Variants in PCDHGA5 observed in about 807,000 individuals in gnomAD.
PCDHGA5 encodes protocadherin gamma-A5.
In PCDHGA5, 36 loss-of-function variants were observed where a neutral mutation model predicts 56.7. That is an observed-to-expected ratio of 0.64 (90% CI 0.49 to 0.84). The LOEUF (loss-of-function observed/expected upper bound fraction) is 0.84, where lower values mean the gene tolerates loss of function less well. Among genes scored for constraint, PCDHGA5 ranks in the 40% least tolerant of loss-of-function variants. PCDHGA5 has a pLI of 0.00. For synonymous variants in PCDHGA5, 563 were observed against 520.2 expected, an observed-to-expected ratio of 1.08 and a Z score of -1.12; for missense variants, 1,305 against 1,201.5, an observed-to-expected ratio of 1.09 and a Z score of -1.27.
chr5:141,492,846 A>G (rs1404624093), intron 1 of PCDHGA5, among the ~76,000 whole-genome samples: 1 of 152,184 alleles, frequency 6.6e-6, no homozygotes, highest in African/African-American at 2.4e-5. Flanking sequence ...AGGAAGTGAA[A>G]GCCTCGAGCG....
chr5:141,511,486 TC>T lies in PCDHGA5; in HGVS notation c.*315del. The T allele has an allele frequency of 2.2e-6, 1 of 449,906 alleles. No homozygotes were observed. 27.9% of individuals were successfully genotyped at this position (449,906 alleles called of 1,614,324 possible). A position where few individuals can be genotyped will look rare whatever the true frequency, so the allele number is the denominator to read the frequency against. On this transcript the variant is annotated 3_prime_UTR_variant, in exon 4 of 4. Transcript: ENST00000518069. ...CCCCGTTTAGTTACAGCTGAACTCC[TC>T]CATCTTCCAAATCAATCAGGCCCAT...
At chr5:141,430,680 C>G (rs990086941) in intron 1 of PCDHGA5, 8 of 1,343,124 alleles carry the variant, frequency 6.0e-6, no homozygotes, top group Non-Finnish European at 8.0e-6. Context: ...TCCCAACTGT[C>G]CCATTCTATG....
Position 141,485,943 on chromosome 5 carries a change from C to CG in PCDHGA5, c.2422-8861dup, listed in dbSNP as rs1562109052. ...ATTAGTGTGTTGGAGAGCGCACCAG[C>CG]GGGCATGGTGCTCATCCAGCTCAAT... On this transcript the variant is annotated intron_variant, in intron 1 of 3. Coordinates refer to ENST00000518069, the MANE Select transcript of PCDHGA5 (RefSeq NM_018918.3). The surrounding 1 kb of genome is among the most constrained non-coding windows in gnomAD (Gnocchi z 5.7). The CG allele has an allele frequency of 1.2e-6, 2 of 1,614,126 alleles. No individual in the cohort carries two copies. Among genetic ancestry groups the CG allele is most frequent in the Non-Finnish European group, 1.7e-6 (2 of 1,180,012 alleles).
chr5:141,437,355 A>C (rs2097877902), intron 1 of PCDHGA5, among the ~76,000 whole-genome samples: 1 of 152,238 alleles, frequency 6.6e-6, no homozygotes, highest in Non-Finnish European at 1.5e-5. Flanking sequence ...ATAGTACCTA[A>C]AATTGGAATG....
chr5:141,383,790 T>C, intron 1 of PCDHGA5: 1 of 1,614,006 alleles, frequency 6.2e-7, no homozygotes. Context: ...TGAACTCGCT[T>C]ACAGGAGAAA....
intron 1 of PCDHGA5, chr5:141,387,922 G>A (rs764365334): frequency 2.0e-6 from 3 of 1,478,496 alleles, no homozygotes; most frequent in African/African-American, 2.8e-5. Context: ...CGGGCTGAGA[G>A]GCTGCCAGTG....
chr5:141,385,284 A>C (rs1419920858), intron 1 of PCDHGA5: 5 of 1,613,356 alleles, frequency 3.1e-6, no homozygotes, highest in Non-Finnish European at 3.4e-6. Flanking sequence ...TAACATCCGT[A>C]GATTTTCAGG....
intron 1 of PCDHGA5, among the ~76,000 whole-genome samples, chr5:141,482,161 G>A (rs2099554171): frequency 6.6e-6 from 1 of 152,008 alleles, no homozygotes; most frequent in Non-Finnish European, 1.5e-5. Context: ...TCAAAGATAT[G>A]TAAGATTAAG....
chr5:141,453,559 C>T (rs2098769120), intron 1 of PCDHGA5, among the ~76,000 whole-genome samples: 1 of 152,126 alleles, frequency 6.6e-6, no homozygotes, highest in Non-Finnish European at 1.5e-5. Context: ...TGTAGATAAT[C>T]GATTTCATTA....
In PCDHGA5 at chr5:141,365,104, C is replaced by T. The variant is rs775966290; in HGVS notation, c.774C>T (p.Gly258=). ...SVSVPENIPV[G]TRLLMLTATD... ...GTGTTCCAGAGAACATACCTGTGGGCACTCGGCTGCTCATGCTAACCGCCA... is the reference window on the plus strand; with the variant it reads ...GTGTTCCAGAGAACATACCTGTGGGTACTCGGCTGCTCATGCTAACCGCCA... The change falls in exon 1 of 4, where the codon GGC becomes GGT. Residue 258 remains glycine (G), a synonymous_variant. Transcript: ENST00000518069. 1 of 1,613,874 alleles carries T rather than the reference C, an allele frequency of 6.2e-7. No homozygotes were observed. The highest frequency in any genetic ancestry group is 8.5e-7 in the Non-Finnish European group (1 of 1,179,868).
In PCDHGA5 at chr5:141,477,028, G is replaced by A. The variant is rs1015508317; in HGVS notation, c.2422-17779G>A. On this transcript the variant is annotated intron_variant, in intron 1 of 3. Coordinates refer to ENST00000518069, the MANE Select transcript of PCDHGA5 (RefSeq NM_018918.3). The surrounding 1 kb of genome is among the most constrained non-coding windows in gnomAD (Gnocchi z 4.9). ...CCTTAGACCTTGTAACCGGGATGCT[G>A]ACAATCAAGGGTCGGCTGGACTTCG... The A allele has an allele frequency of 2.5e-6, 4 of 1,614,146 alleles. No homozygotes were observed. The highest frequency in any genetic ancestry group is 1.7e-5 in the Admixed American group (1 of 60,018).
At chr5:141,393,569 T>C (rs1227543853) in intron 1 of PCDHGA5, 1 of 1,613,918 alleles carries the variant, frequency 6.2e-7, no homozygotes, top group South Asian at 1.1e-5. Context: ...TGAAAGTCCT[T>C]GAGAACATGC....
At position 141,432,394 on chromosome 5, in the gene PCDHGA5, C is replaced by G; in HGVS notation, c.2422-62413C>G. 1 of 1,614,260 alleles carries G rather than the reference C, an allele frequency of 6.2e-7. No individual in the cohort carries two copies. The highest frequency in any genetic ancestry group is 8.5e-7 in the Non-Finnish European group (1 of 1,180,050). On this transcript the variant is annotated intron_variant, in intron 1 of 3. Transcript: ENST00000518069. This position sits in a 1 kb window ranked among gnomAD's most constrained non-coding sequence, Gnocchi z 6.0. The stretch of plus-strand genomic sequence containing the variant: ...ACGGGCACCCGCCCCTCAGCAGCAA[C>G]GTGTCGTTGAGCCTGTTCGTGCTGG...
chr5:141,389,121 A>T (rs754294132), intron 1 of PCDHGA5: 2 of 1,613,910 alleles, frequency 1.2e-6, no homozygotes, highest in Non-Finnish European at 1.7e-6. Flanking sequence ...CCGCGAGCAG[A>T]ATCCAGAGTA....
intron 1 of PCDHGA5, among the ~76,000 whole-genome samples, chr5:141,442,910 C>G (rs1419319938): frequency 6.6e-6 from 1 of 152,196 alleles, no homozygotes; most frequent in African/African-American, 2.4e-5. Flanking sequence ...TCCTTCAGCA[C>G]ACAACTGTTT....
At chr5:141,439,266 G>A (rs1314903524) in intron 1 of PCDHGA5, among the ~76,000 whole-genome samples, 1 of 151,952 alleles carries the variant, frequency 6.6e-6, no homozygotes, top group Non-Finnish European at 1.5e-5. Context: ...TCAGCCAACA[G>A]TTCATTCTGA....
chr5:141,397,372 G>C (rs1014875277), intron 1 of PCDHGA5, among the ~76,000 whole-genome samples: 1 of 152,012 alleles, frequency 6.6e-6, no homozygotes, highest in Non-Finnish European at 1.5e-5. Context: ...AGATGTTTGG[G>C]GATTGGTATA....
chr5:141,400,368 C>T lies in PCDHGA5; in HGVS notation c.2421+33617C>T. On this transcript the variant is annotated intron_variant, in intron 1 of 3. Coordinates refer to ENST00000518069, the MANE Select transcript of PCDHGA5 (RefSeq NM_018918.3). ...ACAGTCAGGGGACTTTGCCTTATTC[C>T]TACAACCTATGTGTTGCACATACAG... is the stretch of plus-strand genomic sequence containing the variant. 8.1e-6 allele frequency: 13 copies of T among 1,614,044 alleles called. No homozygotes were observed. The highest frequency in any genetic ancestry group is 1.6e-4 in the Middle Eastern group (1 of 6,062).
intron 1 of PCDHGA5, among the ~76,000 whole-genome samples, chr5:141,473,757 T>C (rs993403397): frequency 6.6e-6 from 1 of 152,240 alleles, no homozygotes; most frequent in Non-Finnish European, 1.5e-5. Context: ...TTGGATACTA[T>C]GCAAAGGATT....
Sources: gnomAD v4.1 joint callset for allele counts (sites outside exome capture counted in the v4.1 genomes callset) on GRCh38, gnomAD v4.1.1 for gene constraint, Gnocchi (gnomAD v3.1) non-coding constraint, MANE v1.5 for transcripts, NCBI Gene and HGNC (gene_info 2026-07-23, HGNC 2026-07-21) for gene names.